Variants in MCUB observed in about 807,000 individuals in gnomAD.
The protein encoded by MCUB is mitochondrial calcium uniporter dominant negative subunit beta, also known as calcium uniporter regulatory subunit MCUb, mitochondrial.
Under a neutral mutation model 41.4 loss-of-function variants are expected in MCUB, and 46 were observed. The observed-to-expected ratio is 1.11, with a 90% CI of 0.88 to 1.42. The LOEUF is 1.42. Ranked by LOEUF, MCUB falls within the 40% of genes most tolerant of loss-of-function variation. The pLI is 0.00. For synonymous variants in MCUB, 148 were observed against 148.2 expected (o/e 1.00, Z 0.01); for missense variants, 403 against 404.9 (o/e 1.00, Z 0.04).
chr4:109,573,414 C>G (rs1230027796), intron 1 of MCUB, among the ~76,000 whole-genome samples: 1 of 151,058 alleles, frequency 6.6e-6, no homozygotes, highest in Non-Finnish European at 1.5e-5. Flanking sequence ...GATCGCGCCA[C>G]CACACTCCAG....
chr4:109,619,030 G>GCCTGCCTGCCTGCCTA lies in MCUB; in HGVS notation c.100-39978_100-39977insGCCTGCCTGCCTACCT, dbSNP rs1554017841. Among the ~76,000 whole-genome samples the GCCTGCCTGCCTGCCTA allele has an allele frequency of 6.7e-5, 8 of 118,802 alleles. No homozygotes were observed. The East Asian group carries it at 7.7e-4, about 11-fold the overall frequency. The allele number at this position is 118,802 out of a possible 152,430, so 77.9% of individuals were successfully genotyped here. On this transcript the variant is annotated intron_variant, in intron 1 of 7. Transcript: ENST00000394650. ...TACCTACCTACCTATCTACCTGCCT[G>GCCTGCCTGCCTGCCTA]CCTACCTACCTACCTACCTACCTAC...
intron 1 of MCUB, among the ~76,000 whole-genome samples, chr4:109,579,271 G>A (rs1410432040): frequency 6.8e-6 from 1 of 146,786 alleles, no homozygotes; most frequent in African/African-American, 2.5e-5. Context: ...TTTTTTTTGA[G>A]ACGGAGTCTC....
At position 109,603,907 on chromosome 4, in the gene MCUB, C is replaced by T. The variant is rs553824956; in HGVS notation, c.99+43471C>T. 1.5e-3 allele frequency among the ~76,000 whole-genome samples: 232 copies of T among 152,284 alleles called. No individual in the cohort carries two copies. In the Middle Eastern group the frequency reaches 0.021, roughly 13 times the overall value. Reference sequence around the variant, plus strand: ...GGTGTACCCAACAGCTCATTGAGAACGGGCCATGATGACGATGGCGGTTTT... The same window carrying T: ...GGTGTACCCAACAGCTCATTGAGAATGGGCCATGATGACGATGGCGGTTTT... On this transcript the variant is annotated intron_variant, in intron 1 of 7. Transcript: ENST00000394650.
At chr4:109,686,111 A>C (rs527580576) in intron 7 of MCUB, among the ~76,000 whole-genome samples, 1 of 152,302 alleles carries the variant, frequency 6.6e-6, no homozygotes, top group Admixed American at 6.5e-5. Flanking sequence ...GAATCACTCA[A>C]ATTTTGTAGT....
intron 1 of MCUB, among the ~76,000 whole-genome samples, chr4:109,635,675 T>A (rs1457101527): frequency 6.6e-6 from 1 of 152,136 alleles, no homozygotes; most frequent in Non-Finnish European, 1.5e-5. Context: ...CCTCCCTCTC[T>A]CTCTACAAGG....
intron 1 of MCUB, among the ~76,000 whole-genome samples, chr4:109,644,214 T>C (rs535772178): frequency 1.3e-4 from 20 of 152,276 alleles, no homozygotes; most frequent in Admixed American, 1.3e-3. Flanking sequence ...GAACAGATTT[T>C]TTCAAGGAAA....
chr4:109,675,360 A>G (rs1477401444), intron 4 of MCUB, among the ~76,000 whole-genome samples: 1 of 152,230 alleles, frequency 6.6e-6, no homozygotes, highest in Non-Finnish European at 1.5e-5. Flanking sequence ...ACCATGGCCT[A>G]TAAAAACTGT....
intron 6 of MCUB, chr4:109,684,996 C>T (rs1350796879): frequency 1.8e-5 from 7 of 394,696 alleles, no homozygotes; most frequent in Non-Finnish European, 3.1e-5. Flanking sequence ...TCTCCCTTTT[C>T]TTATTTCTTC....
At chr4:109,613,267 CA>C (rs1728058019) in intron 1 of MCUB, among the ~76,000 whole-genome samples, 1 of 151,900 alleles carries the variant, frequency 6.6e-6, no homozygotes, top group African/African-American at 2.4e-5. Context: ...CTAATGTGCC[CA>C]AAAAAATGTG....
chr4:109,682,193 G>A (rs185876224), intron 4 of MCUB, among the ~76,000 whole-genome samples: 2 of 152,320 alleles, frequency 1.3e-5, no homozygotes, highest in African/African-American at 4.8e-5. Context: ...TGTCTCTCAC[G>A]AGGTCTTTGT....
intron 1 of MCUB, among the ~76,000 whole-genome samples, chr4:109,604,323 T>C (rs1168012439): frequency 1.3e-5 from 2 of 152,048 alleles, no homozygotes; most frequent in East Asian, 3.9e-4. Context: ...TCTCCACTAT[T>C]GTCCTGTGAC....
At chr4:109,662,286 A>T (rs1187922376) in intron 3 of MCUB, among the ~76,000 whole-genome samples, 1 of 151,992 alleles carries the variant, frequency 6.6e-6, no homozygotes, top group Non-Finnish European at 1.5e-5. Context: ...GGAACACTGG[A>T]ATGTCCATGG....
intron 5 of MCUB, among the ~76,000 whole-genome samples, chr4:109,683,508 C>G (rs72886556): frequency 0.071 from 10,820 of 152,228 alleles, 1,286 homozygotes; most frequent in African/African-American, 0.25. Flanking sequence ...TTTCCTCCCA[C>G]CCTGTCCTCC....
At chr4:109,606,196 G>A (rs1390950059) in intron 1 of MCUB, among the ~76,000 whole-genome samples, 7 of 152,030 alleles carry the variant, frequency 4.6e-5, no homozygotes, top group African/African-American at 1.4e-4. Context: ...GAATGGTCTC[G>A]ATCTCCTGAC....
At chr4:109,646,482 A>G (rs1728841013) in intron 1 of MCUB, among the ~76,000 whole-genome samples, 1 of 152,178 alleles carries the variant, frequency 6.6e-6, no homozygotes, top group Non-Finnish European at 1.5e-5. Context: ...ACCAGATTCT[A>G]AACTGGTTTC....
At chr4:109,648,391 T>C (rs726585) in intron 1 of MCUB, 173,341 of 245,818 alleles carry the variant, frequency 0.71, 61,959 homozygotes, top group African/African-American at 0.83. Context: ...TGGAAGTTAT[T>C]GTTGGCTGCT....
At chr4:109,660,429 G>T in intron 3 of MCUB, 64 bp downstream of exon 3, 4 of 830,824 alleles carry the variant, frequency 4.8e-6, no homozygotes, top group Admixed American at 2.7e-5. Flanking sequence ...ACTTTTGTTT[G>T]GTTCTTTACT....
At chr4:109,586,248 A>G (rs915062435) in intron 1 of MCUB, among the ~76,000 whole-genome samples, 9 of 152,184 alleles carry the variant, frequency 5.9e-5, no homozygotes, top group African/African-American at 1.7e-4. Context: ...CGAATTGGCT[A>G]TTGAAGCTTG....
At chr4:109,592,170 G>A (rs1229749925) in intron 1 of MCUB, among the ~76,000 whole-genome samples, 4 of 151,920 alleles carry the variant, frequency 2.6e-5, no homozygotes, top group African/African-American at 9.7e-5. Flanking sequence ...ACTTTGAAAG[G>A]AGGCCGAGGT....
Sources: gnomAD v4.1 joint callset for allele counts (sites outside exome capture counted in the v4.1 genomes callset) on GRCh38, gnomAD v4.1.1 for gene constraint, MANE v1.5 for transcripts, NCBI Gene and HGNC (gene_info 2026-07-23, HGNC 2026-07-21) for gene names.